Variants in LYPD6B observed in about 807,000 individuals in gnomAD.
The protein encoded by LYPD6B is LY6/PLAUR domain containing 6B, also known as ly6/PLAUR domain-containing protein 6B.
A neutral mutation model predicts 22.8 loss-of-function variants in LYPD6B; 17 were observed. The ratio of observed to expected loss-of-function variants is 0.75; its 90% confidence interval spans 0.51 to 1.12. The LOEUF (loss-of-function observed/expected upper bound fraction) is 1.12. Among genes scored for constraint, LYPD6B ranks in the 50% most tolerant of loss-of-function variants. LYPD6B has a pLI of 0.00. For synonymous variants in LYPD6B, 106 were observed against 91.6 expected, an observed-to-expected ratio of 1.16 and a Z score of -0.90; for missense variants, 221 against 258.3, an observed-to-expected ratio of 0.86 and a Z score of 0.99.
chr2:149,067,741 G>A (rs1244689372), intron 1 of LYPD6B, among the ~76,000 whole-genome samples: 1 of 151,740 alleles, frequency 6.6e-6, no homozygotes, highest in Admixed American at 6.6e-5. Flanking sequence ...AAGATTCCTG[G>A]TATAATCATT....
intron 2 of LYPD6B, among the ~76,000 whole-genome samples, chr2:149,148,085 G>A (rs978570242): frequency 2.0e-5 from 3 of 152,162 alleles, no homozygotes; most frequent in African/African-American, 7.2e-5. Context: ...ATCAGGCAAA[G>A]GAAATATCTC....
intron 2 of LYPD6B, among the ~76,000 whole-genome samples, chr2:149,147,226 CAAAAAACGAAGCA>C (rs1218058221): frequency 8.3e-6 from 1 of 120,958 alleles, no homozygotes; most frequent in African/African-American, 3.0e-5. Context: ...AAAAACAAAA[CAAAAAACGAAGCA>C]GAAATCCATG....
chr2:149,208,386 G>C lies in LYPD6B; in HGVS notation c.302G>C (p.Trp101Ser), dbSNP rs1349892389. 6.2e-7 allele frequency: 1 copy of C among 1,613,540 alleles called. No homozygotes were observed. Among genetic ancestry groups the C allele is most frequent in the Admixed American group, 1.7e-5 (1 of 60,022 alleles). Reference protein sequence around the residue: ...NAGDNYNCNRWAEDKWCPQNT... With the variant: ...NAGDNYNCNRSAEDKWCPQNT... The stretch of plus-strand genomic sequence containing the variant: ...GGGGATAATTATAACTGCAATCGAT[G>C]GGCAGAAGACAAATGGTGTCCACAA... Residue 101 changes from tryptophan to serine, a missense_variant, in exon 5 of 7, where the codon TGG becomes TCG. Trp to Ser is a radical substitution (Grantham distance 177). Coordinates refer to ENST00000409642, the MANE Select transcript of LYPD6B (RefSeq NM_177964.5).
chr2:149,180,947 C>T (rs1174293508), intron 3 of LYPD6B, among the ~76,000 whole-genome samples: 1 of 152,192 alleles, frequency 6.6e-6, no homozygotes, highest in Non-Finnish European at 1.5e-5. Flanking sequence ...TCTGGTCCTG[C>T]TTCCCAATCT....
At chr2:149,052,882 C>T (rs1169439381) in intron 1 of LYPD6B, among the ~76,000 whole-genome samples, 2 of 152,120 alleles carry the variant, frequency 1.3e-5, no homozygotes, top group African/African-American at 2.4e-5. Context: ...AAACGAGAAG[C>T]CCCCATAAGC....
intron 1 of LYPD6B, among the ~76,000 whole-genome samples, chr2:149,098,183 A>G (rs1685992766): frequency 6.6e-6 from 1 of 151,824 alleles, no homozygotes; most frequent in South Asian, 2.1e-4. Flanking sequence ...GCCTATGTTT[A>G]TACATTCTGA....
At chr2:149,049,215 T>C (rs1683439181) in intron 1 of LYPD6B, among the ~76,000 whole-genome samples, 1 of 152,210 alleles carries the variant, frequency 6.6e-6, no homozygotes. Context: ...ACTTAAGAGT[T>C]CTTCTCATTT....
At chr2:149,184,409 C>G (rs1291280452) in intron 3 of LYPD6B, among the ~76,000 whole-genome samples, 1 of 152,126 alleles carries the variant, frequency 6.6e-6, no homozygotes, top group Non-Finnish European at 1.5e-5. Flanking sequence ...CTGCAGGGCC[C>G]AGGGACCTCA....
intron 1 of LYPD6B, among the ~76,000 whole-genome samples, chr2:149,093,137 G>C (rs1163613738): frequency 1.3e-5 from 2 of 152,216 alleles, no homozygotes; most frequent in Non-Finnish European, 2.9e-5. Flanking sequence ...TTGGAGGGCA[G>C]GGAGCAGAGG....
chr2:149,187,967 G>A (rs2106034116), intron 3 of LYPD6B, among the ~76,000 whole-genome samples: 1 of 152,296 alleles, frequency 6.6e-6, no homozygotes, highest in African/African-American at 2.4e-5. Context: ...TTTGAATGTG[G>A]CAAAGCATAT....
At chr2:149,187,667 G>A (rs912722471) in intron 3 of LYPD6B, 6 of 629,774 alleles carry the variant, frequency 9.5e-6, no homozygotes, top group Admixed American at 7.8e-5. Context: ...GATTCTGTGG[G>A]CCACATTAGA....
rs191904872 is a variant in LYPD6B at position 149,068,372 on chromosome 2, A to G, written c.-67+29571A>G. Among the ~76,000 whole-genome samples, 492 of 152,278 alleles carry G rather than the reference A, an allele frequency of 3.2e-3. 3 individuals carry two copies. Among genetic ancestry groups the G allele is most frequent in the Admixed American group, 6.2e-3 (95 of 15,294 alleles). On this transcript the variant is annotated intron_variant, in intron 1 of 6. Coordinates refer to ENST00000409642, the MANE Select transcript of LYPD6B (RefSeq NM_177964.5). Reference sequence around the variant, plus strand: ...TTGATACAACTTACCATTGAGAGGAACACAGTTCAGAAACTAAAGTAGCAA... The same window carrying G: ...TTGATACAACTTACCATTGAGAGGAGCACAGTTCAGAAACTAAAGTAGCAA...
At chr2:149,174,928 C>T (rs1051169691) in intron 3 of LYPD6B, among the ~76,000 whole-genome samples, 1 of 151,868 alleles carries the variant, frequency 6.6e-6, no homozygotes, top group African/African-American at 2.4e-5. Context: ...ACATGTACCC[C>T]TGAACCTAAG....
intron 2 of LYPD6B, among the ~76,000 whole-genome samples, chr2:149,136,453 C>T (rs1356908239): frequency 1.3e-5 from 2 of 152,208 alleles, no homozygotes; most frequent in South Asian, 2.1e-4. Flanking sequence ...TTAGGAGATT[C>T]GCTGTTACAA....
Position 149,187,389 on chromosome 2 carries a change from G to T in LYPD6B, c.78-17864G>T. 2.0e-6 allele frequency: 3 copies of T among 1,485,546 alleles called. No homozygotes were observed. In the South Asian group the frequency reaches 4.1e-5, roughly 20 times the overall value. 92.0% of individuals were successfully genotyped at this position (1,485,546 alleles called of 1,614,324 possible). ...TGAGCCTGCTCTGCCATGGTCCCAT[G>T]ACTTGATACAATTGTTATAAGATTA... On this transcript the variant is annotated intron_variant, in intron 3 of 6. Coordinates refer to ENST00000409642, the MANE Select transcript of LYPD6B (RefSeq NM_177964.5).
At chr2:149,078,671 C>T (rs1469055683) in intron 1 of LYPD6B, among the ~76,000 whole-genome samples, 1 of 152,286 alleles carries the variant, frequency 6.6e-6, no homozygotes, top group East Asian at 1.9e-4. Flanking sequence ...GACTGACTTT[C>T]TCCCTACTGT....
In LYPD6B at chr2:149,058,222, A is replaced by G. The variant is rs560574825; in HGVS notation, c.-67+19421A>G. Reference sequence around the variant, plus strand: ...CAACCAAATTCCCAAGCCTCCATCAAGCCATCTCAGAGGTTGTCCTTGCAC... The same window carrying G: ...CAACCAAATTCCCAAGCCTCCATCAGGCCATCTCAGAGGTTGTCCTTGCAC... On this transcript the variant is annotated intron_variant, in intron 1 of 6. Coordinates refer to ENST00000409642, the MANE Select transcript of LYPD6B (RefSeq NM_177964.5). Among the ~76,000 whole-genome samples, 55 of 152,352 alleles carry G rather than the reference A, an allele frequency of 3.6e-4. 1 individual carries two copies. Among genetic ancestry groups the G allele is most frequent in the African/African-American group, 1.2e-3 (49 of 41,590 alleles).
chr2:149,080,251 G>A (rs1226616196), intron 1 of LYPD6B, among the ~76,000 whole-genome samples: 14 of 152,148 alleles, frequency 9.2e-5, no homozygotes, highest in African/African-American at 3.1e-4. Flanking sequence ...ATAACTTGTG[G>A]TGTTCTCCCT....
At chr2:149,069,011 C>T (rs772224567) in intron 1 of LYPD6B, 2 of 167,600 alleles carry the variant, frequency 1.2e-5, no homozygotes, top group Non-Finnish European at 1.3e-5. Context: ...ATTTTTACTT[C>T]CCTGTCCATA....
Sources: gnomAD v4.1 joint callset for allele counts (sites outside exome capture counted in the v4.1 genomes callset) on GRCh38, gnomAD v4.1.1 for gene constraint, MANE v1.5 for transcripts, NCBI Gene and HGNC (gene_info 2026-07-23, HGNC 2026-07-21) for gene names.